Variants in GFAP observed in about 807,000 individuals in gnomAD.
GFAP encodes glial fibrillary acidic protein.
In GFAP, 38 loss-of-function variants were observed where a neutral mutation model predicts 49.3. The observed-to-expected ratio is 0.77, with a 90% CI of 0.60 to 1.01. GFAP has a LOEUF of 1.01. Among genes scored for constraint, GFAP ranks in the 50% least tolerant of loss-of-function variants. The pLI, the probability that GFAP is intolerant of heterozygous loss-of-function variation, is 0.00. For missense variants in GFAP, 463 were observed against 579.1 expected (o/e 0.80, Z 2.06); for synonymous variants, 222 against 236.4 (o/e 0.94, Z 0.56).
At chr17:44,913,625 T>A in intron 3 of GFAP, 103 bp downstream of exon 3, 1 of 1,064,500 alleles carries the variant, frequency 9.4e-7, no homozygotes, top group Non-Finnish European at 1.5e-6. Context: ...GTTTCTCTCC[T>A]CTCTCTGAGT....
At position 44,915,311 on chromosome 17, in the gene GFAP, T is replaced by C. The variant is rs767627754; in HGVS notation, c.176A>G (p.Asn59Ser). The C allele has an allele frequency of 3.7e-6, 6 of 1,613,814 alleles. No individual in the cohort carries two copies. Among genetic ancestry groups the C allele is most frequent in the Middle Eastern group, 1.6e-4 (1 of 6,076 alleles). Reference sequence around the variant, plus strand: ...GGCCCGGGTCTCCTTGAAGCCAGCATTGAGTGCCCCAGCCAGGGAGAAATC... The same window carrying C: ...GGCCCGGGTCTCCTTGAAGCCAGCACTGAGTGCCCCAGCCAGGGAGAAATC... Reference protein sequence around the residue: ...RVDFSLAGALNAGFKETRASE... With the variant: ...RVDFSLAGALSAGFKETRASE... The change falls in exon 1 of 9, where the codon AAT (asparagine) becomes AGT (serine). Residue 59 changes from asparagine to serine, a missense_variant. Transcript: ENST00000588735. This position sits in a 1 kb window ranked among gnomAD's most constrained non-coding sequence, Gnocchi z 4.1.
chr17:44,914,951 G>A, intron 1 of GFAP, 75 bp downstream of exon 1: 1 of 1,366,074 alleles, frequency 7.3e-7, no homozygotes, highest in Non-Finnish European at 1.0e-6. Context: ...CCCTCCCTGA[G>A]ACTTCTCGGG....
At position 44,915,335 on chromosome 17, in the gene GFAP, T is replaced by A; in HGVS notation, c.152A>T (p.Asp51Val). The change falls in exon 1 of 9, where the codon GAT (aspartate) becomes GTT (valine). Residue 51 changes from aspartate to valine, a missense_variant. Coordinates refer to ENST00000588735, the MANE Select transcript of GFAP (RefSeq NM_002055.5). This position sits in a 1 kb window ranked among gnomAD's most constrained non-coding sequence, Gnocchi z 4.1. ...RMPPPLPTRV[D>V]FSLAGALNAG... is the part of the protein sequence containing the mutation. Reference sequence around the variant, plus strand: ...ATTGAGTGCCCCAGCCAGGGAGAAATCCACCCGGGTCGGGAGTGGAGGGGG... The same window carrying A: ...ATTGAGTGCCCCAGCCAGGGAGAAAACCACCCGGGTCGGGAGTGGAGGGGG... 1 of 1,612,782 alleles carries A rather than the reference T, an allele frequency of 6.2e-7. No homozygotes were observed. The highest frequency in any genetic ancestry group is 8.5e-7 in the Non-Finnish European group (1 of 1,179,114).
intron 2 of GFAP, 47 bp downstream of exon 2, chr17:44,913,981 A>C (rs1281881125): frequency 7.1e-7 from 1 of 1,409,986 alleles, no homozygotes; most frequent in Non-Finnish European, 9.9e-7. Flanking sequence ...GTGGGTGGCC[A>C]TCAATCCTTT....
At chr17:44,910,485 G>C (rs2051734861) in intron 7 of GFAP, 130 bp downstream of exon 7, 2 of 1,553,850 alleles carry the variant, frequency 1.3e-6, no homozygotes, top group Admixed American at 2.0e-5. Context: ...GCGCTGCAGT[G>C]TCACGAAGGC....
intron 8 of GFAP, 74 bp downstream of exon 8, chr17:44,907,990 G>A (rs1205339292): frequency 2.9e-6 from 3 of 1,039,766 alleles, no homozygotes; most frequent in Non-Finnish European, 4.6e-6. Context: ...CCAGCCCCAG[G>A]CTTTCCTCCA....
At chr17:44,910,919 C>T in intron 6 of GFAP, 1 of 609,604 alleles carries the variant, frequency 1.6e-6, no homozygotes, top group South Asian at 2.0e-5. Flanking sequence ...GAAGAAAGTT[C>T]CAAGGAGGCA....
Position 44,910,151 on chromosome 17 carries a change from C to T in GFAP, c.1171+464G>A, listed in dbSNP as rs759780087. 1.1e-5 allele frequency: 17 copies of T among 1,613,834 alleles called. No individual in the cohort carries two copies. The highest frequency in any genetic ancestry group is 2.7e-5 in the African/African-American group (2 of 74,914). ...AGGCAGGCAGCTAACCGCGAGCCGG[C>T]GGCGTTCCATTTACAATCTGGTGAG... On this transcript the variant is annotated intron_variant, in intron 7 of 8. Coordinates refer to ENST00000588735, the MANE Select transcript of GFAP (RefSeq NM_002055.5).
intron 6 of GFAP, 90 bp downstream of exon 6, chr17:44,911,146 C>T: frequency 8.5e-7 from 1 of 1,172,798 alleles, no homozygotes; most frequent in Non-Finnish European, 1.3e-6. Flanking sequence ...GCACACAAGG[C>T]TGAAAAAGAC....
Position 44,913,750 on chromosome 17 carries a change from A to G in GFAP, c.596T>C (p.Phe199Ser). 6.2e-7 allele frequency: 1 copy of G among 1,613,866 alleles called. No individual in the cohort carries two copies. Among genetic ancestry groups the G allele is most frequent in the Non-Finnish European group, 8.5e-7 (1 of 1,179,856 alleles). ...KIESLEEEIR[F>S]LRKIHEEEVR... is the part of the protein sequence containing the mutation. ...CACCTCCTCGTGGATCTTCCTCAAG[A>G]ACCGGATCTCCTCCTCCAGCGACTC... Residue 199 changes from phenylalanine to serine, a missense_variant, in exon 3 of 9, where the codon TTC becomes TCC. Around this residue, in one of 3 missense-constraint regions of GFAP, gnomAD observed 362 missense variants for 445.5 expected, o/e 0.81. Coordinates refer to ENST00000588735, the MANE Select transcript of GFAP (RefSeq NM_002055.5).
chr17:44,910,525 G>A (rs777548878), intron 7 of GFAP, 90 bp downstream of exon 7: 2 of 1,552,906 alleles, frequency 1.3e-6, no homozygotes, highest in Non-Finnish European at 1.7e-6. Context: ...CCTTTGCCCT[G>A]ATCCTCAGTC....
intron 4 of GFAP, chr17:44,912,926 T>A (rs2051807718): frequency 2.9e-6 from 1 of 345,430 alleles, no homozygotes; most frequent in Non-Finnish European, 5.6e-6. Context: ...TTAGGAGCTG[T>A]GTGACTTTGA....
At chr17:44,908,548 A>T (rs1243483517) in intron 7 of GFAP, 1 of 162,318 alleles carries the variant, frequency 6.2e-6, no homozygotes, top group African/African-American at 2.4e-5. Context: ...TGGCCAACAT[A>T]GTGAAACCTC....
rs1332678738 is a variant in GFAP, at chr17:44,913,772, A to T, written c.574T>A (p.Ser192Thr). 3 of 1,613,464 alleles carry T rather than the reference A, an allele frequency of 1.9e-6. No homozygotes were observed. The highest frequency in any genetic ancestry group is 1.6e-4 in the Middle Eastern group (1 of 6,062). Reference protein sequence around the residue: ...ARLDLERKIESLEEEIRFLRK... With the variant: ...ARLDLERKIETLEEEIRFLRK... ...AAGAACCGGATCTCCTCCTCCAGCG[A>T]CTCAATCTTCCTCTCCAGATCCAGA... Residue 192 changes from serine to threonine, a missense_variant, in exon 3 of 9, where the codon TCG becomes ACG. This residue lies in a region of GFAP where 362 missense variants were observed against 445.5 expected (regional missense o/e 0.81). Transcript: ENST00000588735.
In GFAP at chr17:44,910,607, G is replaced by GT; in HGVS notation, c.1171+7dup. The GT allele has an allele frequency of 6.4e-7, 1 of 1,573,466 alleles. No homozygotes were observed. Among genetic ancestry groups the GT allele is most frequent in the Non-Finnish European group, 8.6e-7 (1 of 1,158,596 alleles). On this transcript the variant is annotated splice_region_variant and intron_variant, in intron 7 of 8. Transcript: ENST00000588735. ...AGTGCCCTTCCCACGAGGCCCTGCTGTACTGACCTCGAATCTGCAGGTTGG... is the reference window on the plus strand; with the variant it reads ...AGTGCCCTTCCCACGAGGCCCTGCTGTTACTGACCTCGAATCTGCAGGTTGG...
chr17:44,907,727 A>G (rs1024731306), intron 8 of GFAP: 2 of 546,170 alleles, frequency 3.7e-6, no homozygotes, highest in African/African-American at 1.9e-5. Context: ...CCCATCCCCA[A>G]CTGTGTCTGC....
chr17:44,908,313 C>A, intron 7 of GFAP, 164 bp from the exon 8 acceptor site: 1 of 433,214 alleles, frequency 2.3e-6, no homozygotes, highest in Non-Finnish European at 4.2e-6. Flanking sequence ...GGAGAGCCCC[C>A]AAATCCCAAT....
chr17:44,913,982 T>C (rs761298500), intron 2 of GFAP, 46 bp downstream of exon 2: 1 of 1,412,318 alleles, frequency 7.1e-7, no homozygotes, highest in East Asian at 2.4e-5. Flanking sequence ...TGGGTGGCCA[T>C]CAATCCTTTC....
rs2051763691 is a variant in GFAP at position 44,911,467 on chromosome 17, G to C, written c.907-11C>G. On this transcript the variant is annotated splice_polypyrimidine_tract_variant and intron_variant, in intron 5 of 8. Transcript: ENST00000588735. Reference sequence around the variant, plus strand: ...CTCCAGGGACTCGTTCTGTGGGATGGAGCCGGCCGGTCCCGCGGAGCCCCG... The same window carrying C: ...CTCCAGGGACTCGTTCTGTGGGATGCAGCCGGCCGGTCCCGCGGAGCCCCG... 6.3e-7 allele frequency: 1 copy of C among 1,593,826 alleles called. No individual in the cohort carries two copies. Among genetic ancestry groups the C allele is most frequent in the Admixed American group, 1.7e-5 (1 of 59,492 alleles).
Sources: gnomAD v4.1 joint callset for allele counts on GRCh38, gnomAD v4.1.1 for gene constraint, gnomAD v4.1.1 regional missense constraint, Gnocchi (gnomAD v3.1) non-coding constraint, MANE v1.5 for transcripts, NCBI Gene and HGNC (gene_info 2026-07-23, HGNC 2026-07-21) for gene names.